The following UGT1A3 variants were observed in gnomAD, a reference collection of about 807,000 sequenced individuals.
The protein encoded by UGT1A3 is UDP-glucuronosyltransferase 1A3.
In UGT1A3, 31 loss-of-function variants were observed where a neutral mutation model predicts 41.0. The ratio of observed to expected loss-of-function variants is 0.76; its 90% CI spans 0.57 to 1.02. The LOEUF (loss-of-function observed/expected upper bound fraction) is 1.02. Ranked by LOEUF, UGT1A3 falls within the 50% of genes least tolerant of loss-of-function variation. The pLI is 0.00. For missense variants in UGT1A3, 737 were observed against 671.0 expected (o/e 1.10, Z -1.09); for synonymous variants, 262 against 257.6 (o/e 1.02, Z -0.17).
chr2:233,748,006 A>T, intron 1 of UGT1A3: 1 of 1,613,448 alleles, frequency 6.2e-7, no homozygotes, highest in African/African-American at 1.3e-5. Context: ...GTGATGGATT[A>T]CCCCAGGCCG....
At chr2:233,730,685 C>T (rs917184684) in intron 1 of UGT1A3, among the ~76,000 whole-genome samples, 1 of 152,042 alleles carries the variant, frequency 6.6e-6, no homozygotes, top group Admixed American at 6.6e-5. Flanking sequence ...GGTTGCATCT[C>T]AAATGATTCT....
rs762018928 is a variant in UGT1A3 at position 233,757,539 on chromosome 2, T to TATATACATATAC, written c.868-9490_868-9489insCATATACATATA. 2.5e-3 allele frequency among the ~76,000 whole-genome samples: 287 copies of TATATACATATAC among 115,694 alleles called. 10 individuals are homozygous for TATATACATATAC. The highest frequency in any genetic ancestry group is 0.013 in the Admixed American group (155 of 12,116). 75.9% of individuals were successfully genotyped at this position (115,694 alleles called of 152,430 possible). ...GCCAAAATCTTGCCTGTAAGGAATA[T>TATATACATATAC]ATATATATATATATATATATATGTA... On this transcript the variant is annotated intron_variant, in intron 1 of 4. Coordinates refer to ENST00000482026, the MANE Select transcript of UGT1A3 (RefSeq NM_019093.4).
In UGT1A3 at chr2:233,768,446, A is replaced by C. The variant is rs752429515; in HGVS notation, c.1307+7A>C. 1 of 1,612,506 alleles carries C rather than the reference A, an allele frequency of 6.2e-7. No homozygotes were observed. Among genetic ancestry groups the C allele is most frequent in the Non-Finnish European group, 8.5e-7 (1 of 1,179,230 alleles). ...CAGTCATCAATGACAAAAGGTAAGAAAGAAGATACAGAAGAATACTTTGGT... is the reference window on the plus strand; with the variant it reads ...CAGTCATCAATGACAAAAGGTAAGACAGAAGATACAGAAGAATACTTTGGT... On this transcript the variant is annotated splice_region_variant and intron_variant, in intron 4 of 4. Coordinates refer to ENST00000482026, the MANE Select transcript of UGT1A3 (RefSeq NM_019093.4).
chr2:233,771,260 C>CT (rs891018282), intron 4 of UGT1A3: 6 of 151,570 alleles, frequency 4.0e-5, no homozygotes, highest in Admixed American at 6.6e-5. Flanking sequence ...ATAGGAGTGC[C>CT]TTTTTTTTTC....
At chr2:233,767,659 C>G (rs975874168) in intron 2 of UGT1A3, among the ~76,000 whole-genome samples, 190 bp from the exon 3 acceptor site, 4 of 152,186 alleles carry the variant, frequency 2.6e-5, no homozygotes, top group African/African-American at 9.7e-5. Context: ...TGCATACACC[C>G]TTGTAACTAA....
At chr2:233,756,599 C>A (rs1235444943) in intron 1 of UGT1A3, among the ~76,000 whole-genome samples, 2 of 152,080 alleles carry the variant, frequency 1.3e-5, no homozygotes, top group Non-Finnish European at 2.9e-5. Flanking sequence ...TTTACTGTAT[C>A]GAAACCATTA....
intron 1 of UGT1A3, chr2:233,743,331 T>G (rs1692262646): frequency 1.3e-6 from 1 of 770,826 alleles, no homozygotes; most frequent in South Asian, 1.4e-5. Context: ...CATCAACTAT[T>G]TCAGTGGAAG....
intron 1 of UGT1A3, among the ~76,000 whole-genome samples, chr2:233,746,427 A>G (rs1283364507): frequency 1.3e-5 from 2 of 151,688 alleles, no homozygotes; most frequent in African/African-American, 4.9e-5. Flanking sequence ...CTATTAACTT[A>G]TGTCTTCAGC....
intron 1 of UGT1A3, 59 bp from the exon 2 acceptor site, chr2:233,766,975 T>C (rs1262639275): frequency 2.5e-6 from 4 of 1,612,148 alleles, no homozygotes; most frequent in Non-Finnish European, 2.5e-6. Context: ...TAACTTACTG[T>C]ATGTAGTCAT....
chr2:233,760,289 T>C, intron 1 of UGT1A3: 1 of 1,613,270 alleles, frequency 6.2e-7, no homozygotes. Flanking sequence ...AAAGGCGCCA[T>C]GGCTGTGGAG....
intron 1 of UGT1A3, among the ~76,000 whole-genome samples, chr2:233,759,944 G>C (rs1242141869): frequency 6.6e-6 from 1 of 152,160 alleles, no homozygotes; most frequent in African/African-American, 2.4e-5. Context: ...AGCCTAACTT[G>C]TTCACTACAT....
Position 233,769,836 on chromosome 2 carries a change from C to T in UGT1A3, c.1307+1397C>T. ...TGCCACTGCACTCCAGCAACCTGGGCAACAGAGTGAGACCCTGTCTCAAAA... is the reference window on the plus strand; with the variant it reads ...TGCCACTGCACTCCAGCAACCTGGGTAACAGAGTGAGACCCTGTCTCAAAA... On this transcript the variant is annotated intron_variant, in intron 4 of 4. Coordinates refer to ENST00000482026, the MANE Select transcript of UGT1A3 (RefSeq NM_019093.4). This position sits in a 1 kb window ranked among gnomAD's most constrained non-coding sequence, Gnocchi z 4.4. 7.4e-6 allele frequency: 4 copies of T among 538,192 alleles called. No individual in the cohort carries two copies. The highest frequency in any genetic ancestry group is 1.1e-5 in the Non-Finnish European group (4 of 353,822). 33.3% of individuals were successfully genotyped at this position (538,192 alleles called of 1,614,324 possible).
intron 1 of UGT1A3, among the ~76,000 whole-genome samples, chr2:233,745,707 T>C (rs1693180198): frequency 6.9e-6 from 1 of 145,768 alleles, no homozygotes; most frequent in African/African-American, 2.6e-5. Flanking sequence ...CAACAAGTGA[T>C]CCAGAATGGC....
chr2:233,748,845 C>A (rs936990961), intron 1 of UGT1A3, among the ~76,000 whole-genome samples: 1 of 151,120 alleles, frequency 6.6e-6, no homozygotes, highest in South Asian at 2.1e-4. Context: ...AAACTGTGAG[C>A]GTATAAGCCC....
intron 1 of UGT1A3, among the ~76,000 whole-genome samples, 172 bp downstream of exon 1, chr2:233,730,165 G>A (rs142374428): frequency 8.5e-5 from 13 of 152,274 alleles, no homozygotes; most frequent in East Asian, 3.9e-4. Context: ...CTCTAGTAGC[G>A]TATTTCAGGT....
At chr2:233,758,613 T>TGCATGC (rs1429486776) in intron 1 of UGT1A3, among the ~76,000 whole-genome samples, 2 of 152,164 alleles carry the variant, frequency 1.3e-5, no homozygotes, top group Non-Finnish European at 2.9e-5. Flanking sequence ...AGTGTGCATG[T>TGCATGC]GCATGCAAAG....
At chr2:233,755,745 G>A (rs1342193963) in intron 1 of UGT1A3, 2 of 152,826 alleles carry the variant, frequency 1.3e-5, no homozygotes, top group Non-Finnish European at 2.9e-5. Context: ...TTCCAGCCCC[G>A]GTGCCCATTT....
At chr2:233,754,376 GACAA>G in intron 1 of UGT1A3, 1 of 288,532 alleles carries the variant, frequency 3.5e-6, no homozygotes, top group Non-Finnish European at 6.7e-6. Context: ...ATGATCGAAA[GACAA>G]ACAGAGGTCC....
intron 4 of UGT1A3, 26 bp downstream of exon 4, chr2:233,768,465 C>T: frequency 6.2e-7 from 1 of 1,606,188 alleles, no homozygotes; most frequent in Non-Finnish European, 8.5e-7. Context: ...CAGAAGAATA[C>T]TTTGGTCATG....
Sources: allele counts gnomAD v4.1 joint callset (sites outside exome capture counted in the v4.1 genomes callset), GRCh38; gene constraint gnomAD v4.1.1; non-coding constraint Gnocchi (gnomAD v3.1); transcripts MANE v1.5; gene names NCBI Gene and HGNC (gene_info 2026-07-23, HGNC 2026-07-21).